ARHGEF10: variants seen among roughly 807,000 people sequenced by gnomAD.
ARHGEF10 encodes Rho guanine nucleotide exchange factor (GEF) 10.
Under a neutral mutation model 147.4 loss-of-function variants are expected in ARHGEF10, and 140 were observed. The observed-to-expected ratio is 0.95, with a 90% CI of 0.83 to 1.09. The LOEUF (loss-of-function observed/expected upper bound fraction) is 1.09, where lower values mean the gene tolerates loss of function less well. Among genes scored for constraint, ARHGEF10 ranks in the 50% least tolerant of loss-of-function variants. The pLI is 0.00. For synonymous variants in ARHGEF10, 902 were observed against 695.8 expected, an observed-to-expected ratio of 1.30 and a Z score of -4.67; for missense variants, 2,222 against 1,752.7, an observed-to-expected ratio of 1.27 and a Z score of -4.78.
At chr8:1,930,266 C>T (rs942960862) in intron 25 of ARHGEF10, among the ~76,000 whole-genome samples, 2 of 152,050 alleles carry the variant, frequency 1.3e-5, no homozygotes, top group Admixed American at 6.5e-5. Flanking sequence ...CGGCCGGGAG[C>T]GACGCCTTGG....
chr8:1,828,851 T>C (rs1036084121), intron 1 of ARHGEF10, among the ~76,000 whole-genome samples: 8 of 151,654 alleles, frequency 5.3e-5, no homozygotes, highest in African/African-American at 1.2e-4. Flanking sequence ...TTTGATAAAC[T>C]GTGGCATGCG....
At chr8:1,837,906 C>T (rs1016229879) in intron 1 of ARHGEF10, among the ~76,000 whole-genome samples, 4 of 152,104 alleles carry the variant, frequency 2.6e-5, no homozygotes, top group African/African-American at 7.2e-5. Flanking sequence ...GACTCGGGGT[C>T]GTGGGGACAC....
intron 1 of ARHGEF10, among the ~76,000 whole-genome samples, chr8:1,835,451 T>C (rs34245274): frequency 0.6 from 90,574 of 152,026 alleles, 27,297 homozygotes; most frequent in Middle Eastern, 0.72. Context: ...GGCACAGGCT[T>C]CAGCCCTGCC....
rs565936822 is a variant in ARHGEF10, at chr8:1,845,704, A to T, written c.37+2268A>T. On this transcript the variant is annotated intron_variant, in intron 2 of 28. Coordinates refer to ENST00000349830, the MANE Select transcript of ARHGEF10 (RefSeq NM_014629.4). ...GTCCTGGCTAGTGCCTGGCACCCTG[A>T]GGAGCTCTGCCCAGCGGTACCACCA... Among the ~76,000 whole-genome samples the T allele has an allele frequency of 2.0e-5, 3 of 152,330 alleles. No homozygotes were observed. In the South Asian group the frequency reaches 6.2e-4, roughly 32 times the overall value.
chr8:1,865,757 G>A (rs114656518), intron 5 of ARHGEF10, among the ~76,000 whole-genome samples: 2 of 152,164 alleles, frequency 1.3e-5, no homozygotes, highest in Non-Finnish European at 2.9e-5. Context: ...AACATTTTCC[G>A]AGGCCTTCCA....
chr8:1,913,030 T>C (rs1461691473), intron 18 of ARHGEF10, among the ~76,000 whole-genome samples: 1 of 151,920 alleles, frequency 6.6e-6, no homozygotes, highest in Non-Finnish European at 1.5e-5. Flanking sequence ...TGCCATTCTG[T>C]GGGGGGGTTT....
chr8:1,851,186 G>A (rs922462840), intron 2 of ARHGEF10, among the ~76,000 whole-genome samples: 5 of 136,550 alleles, frequency 3.7e-5, no homozygotes, highest in Middle Eastern at 3.7e-3. Flanking sequence ...TTTAGTTAGC[G>A]ACGTACCTCA....
Position 1,866,550 on chromosome 8 carries a change from C to G in ARHGEF10, c.570C>G (p.Asp190Glu). 1.2e-5 allele frequency: 20 copies of G among 1,610,386 alleles called. No individual in the cohort carries two copies. Among genetic ancestry groups the G allele is most frequent in the East Asian group, 2.2e-5 (1 of 44,850 alleles). ...PTSEDQVGREDSALARWAADP... is the reference protein window; with the variant it reads ...PTSEDQVGREESALARWAADP... Reference sequence around the variant, plus strand: ...GTGAAGATCAAGTCGGTCGAGAGGACAGCGCACTTGCCCGCTGGGCCGCAG... The same window carrying G: ...GTGAAGATCAAGTCGGTCGAGAGGAGAGCGCACTTGCCCGCTGGGCCGCAG... The change falls in exon 6 of 29, where the codon GAC (aspartate) becomes GAG (glutamate). Residue 190 changes from aspartate to glutamate, a missense_variant. Physicochemically the swap from Asp to Glu is conservative, Grantham distance 45 (BLOSUM62 2). Coordinates refer to ENST00000349830, the MANE Select transcript of ARHGEF10 (RefSeq NM_014629.4).
intron 7 of ARHGEF10, among the ~76,000 whole-genome samples, chr8:1,875,806 T>C (rs1019075916): frequency 3.3e-5 from 5 of 152,240 alleles, no homozygotes; most frequent in South Asian, 2.1e-4. Context: ...ATGTGTATAT[T>C]CCTCAGTGCT....
At chr8:1,899,972 C>A (rs749950442) in intron 15 of ARHGEF10, among the ~76,000 whole-genome samples, 2 of 152,188 alleles carry the variant, frequency 1.3e-5, no homozygotes, top group Admixed American at 1.3e-4. Flanking sequence ...CTGTGTTTAG[C>A]GATGCGCCAG....
intron 11 of ARHGEF10, among the ~76,000 whole-genome samples, chr8:1,891,306 G>C (rs1809506267): frequency 6.6e-6 from 1 of 152,144 alleles, no homozygotes; most frequent in South Asian, 2.1e-4. Flanking sequence ...GTTAAATGGG[G>C]GGTATTGATG....
At chr8:1,932,317 GTA>G (rs1374470916) in intron 25 of ARHGEF10, among the ~76,000 whole-genome samples, 1 of 152,240 alleles carries the variant, frequency 6.6e-6, no homozygotes, top group African/African-American at 2.4e-5. Context: ...GCACATGTGT[GTA>G]TGCACACGTG....
At chr8:1,831,437 T>C (rs66811206) in intron 1 of ARHGEF10, among the ~76,000 whole-genome samples, 13,810 of 66,884 alleles carry the variant, frequency 0.21, 2,632 homozygotes, top group Middle Eastern at 0.37. Context: ...GTGTGACATC[T>C]GTGGAGGGAC....
chr8:1,956,726 T>C, intron 28 of ARHGEF10, 23 bp from the exon 29 acceptor site: 1 of 1,613,594 alleles, frequency 6.2e-7, no homozygotes, highest in Non-Finnish European at 8.5e-7. Context: ...AAAAGACAGC[T>C]GTTGAACTGT....
chr8:1,908,227 ATTTTT>A (rs11288174), intron 17 of ARHGEF10, among the ~76,000 whole-genome samples: 1 of 110,078 alleles, frequency 9.1e-6, no homozygotes, highest in Non-Finnish European at 1.8e-5. Context: ...CCACACTTTG[ATTTTT>A]TTTTTTTTTT....
intron 15 of ARHGEF10, among the ~76,000 whole-genome samples, chr8:1,900,647 TTC>T (rs1810378141): frequency 6.6e-6 from 1 of 152,246 alleles, no homozygotes; most frequent in Admixed American, 6.5e-5. Flanking sequence ...TTGTACACTT[TTC>T]TTTTTTGAAA....
At position 1,882,724 on chromosome 8, in the gene ARHGEF10, C is replaced by T; in HGVS notation, c.1050C>T (p.Ile350=). 5 of 1,554,430 alleles carry T rather than the reference C, an allele frequency of 3.2e-6. No individual in the cohort carries two copies. In the East Asian group the frequency reaches 9.7e-5, roughly 30 times the overall value. The change falls in exon 10 of 29, where the codon ATC becomes ATT. Residue 350 remains isoleucine (I), a synonymous_variant. Transcript: ENST00000349830. ...CCGTGAAGAGGGGCCGCTCCTTCATCAGGACCAAGTCTCTCATCGCACAGG... is the reference window on the plus strand; with the variant it reads ...CCGTGAAGAGGGGCCGCTCCTTCATTAGGACCAAGTCTCTCATCGCACAGG... ...RAAVKRGRSF[I]RTKSLIAQDH...
intron 25 of ARHGEF10, among the ~76,000 whole-genome samples, chr8:1,931,234 C>T (rs1051026367): frequency 6.6e-6 from 1 of 152,324 alleles, no homozygotes. Context: ...CATGAAGCTT[C>T]GTGGAGGAAT....
chr8:1,835,181 G>A (rs1282721934), intron 1 of ARHGEF10, among the ~76,000 whole-genome samples: 2 of 152,180 alleles, frequency 1.3e-5, no homozygotes, highest in South Asian at 2.1e-4. Context: ...CATGGAGGCC[G>A]GAGGAGTGGA....
Sources: gnomAD v4.1 joint callset for allele counts (sites outside exome capture counted in the v4.1 genomes callset) on GRCh38, gnomAD v4.1.1 for gene constraint, MANE v1.5 for transcripts, NCBI Gene and HGNC (gene_info 2026-07-23, HGNC 2026-07-21) for gene names.